EPC2: variants seen among roughly 807,000 people sequenced by gnomAD.
EPC2 encodes the protein enhancer of polycomb 2.
Under a neutral mutation model 92.1 loss-of-function variants are expected in EPC2, and 14 were observed. That is an observed-to-expected ratio of 0.15 (90% CI 0.10 to 0.24). The LOEUF is 0.24. Among genes scored for constraint, EPC2 ranks in the 10% least tolerant of loss-of-function variants. EPC2 has a pLI of 1.00. For missense variants in EPC2, 755 were observed against 971.5 expected (o/e 0.78, Z 2.96); for synonymous variants, 340 against 334.7 (o/e 1.02, Z -0.17).
chr2:148,779,509 GGA>G (rs1683708190), intron 10 of EPC2, among the ~76,000 whole-genome samples: 1 of 152,118 alleles, frequency 6.6e-6, no homozygotes, highest in Non-Finnish European at 1.5e-5. Context: ...CTTGAACCCA[GGA>G]GTTCAAGGCT....
In EPC2 at chr2:148,784,714, C is replaced by T. The variant is rs199545761; in HGVS notation, c.2064C>T (p.Ser688=). The change falls in exon 13 of 14, where the codon AGC becomes AGT. Residue 688 remains serine (S), a synonymous_variant. Coordinates refer to ENST00000258484, the MANE Select transcript of EPC2 (RefSeq NM_015630.4). The stretch of plus-strand genomic sequence containing the variant: ...CCACCAATATGGCTTTATCATCCAG[C>T]CCAGGGATTTCAGCTGTACAGCTTG... The part of the protein sequence containing the change: ...LYSTNMALSS[S]PGISAVQLVR... 6.8e-6 allele frequency: 11 copies of T among 1,613,418 alleles called. No individual in the cohort carries two copies. In the East Asian group the frequency reaches 2.2e-4, roughly 33 times the overall value.
chr2:148,775,683 TAATTA>T (rs1683622425), intron 10 of EPC2, among the ~76,000 whole-genome samples: 1 of 147,722 alleles, frequency 6.8e-6, no homozygotes, highest in African/African-American at 2.5e-5. Context: ...AAATTTAATT[TAATTA>T]AATAAAATTA....
intron 12 of EPC2, among the ~76,000 whole-genome samples, chr2:148,784,235 C>A (rs1053170411): frequency 6.6e-6 from 1 of 152,124 alleles, no homozygotes; most frequent in Non-Finnish European, 1.5e-5. Context: ...ACCCTGAGTC[C>A]GCAAAGACTT....
rs150977924 is a variant in EPC2, at chr2:148,717,434, C to T, written c.314-26188C>T. On this transcript the variant is annotated intron_variant, in intron 2 of 13. Coordinates refer to ENST00000258484, the MANE Select transcript of EPC2 (RefSeq NM_015630.4). ...TAGCTGCATCCCAGAGATTCTGGTA[C>T]ATTGTATCTTTGTTCTCATTAGTTT... 7.1e-3 allele frequency among the ~76,000 whole-genome samples: 1,086 copies of T among 152,162 alleles called. 5 individuals are homozygous for T. Among genetic ancestry groups the T allele is most frequent in the African/African-American group, 0.025 (1,021 of 41,522 alleles).
In EPC2 at chr2:148,783,644, C is replaced by T. The variant is rs368890875; in HGVS notation, c.1905C>T (p.Ser635=). ...TGTCTAAAACACTTGACTCAGCCAG[C>T]GCCCACTTTGCTGCATCTGCAGTGG... ...DCMSKTLDSA[S]AHFAASAVVS... is the part of the protein sequence containing the mutation. Residue 635 remains serine (S), a synonymous_variant, in exon 12 of 14, where the codon AGC becomes AGT. Transcript: ENST00000258484. 1.7e-5 allele frequency: 28 copies of T among 1,606,938 alleles called. No individual in the cohort carries two copies. The highest frequency in any genetic ancestry group is 1.6e-4 in the Middle Eastern group (1 of 6,078).
chr2:148,712,393 TA>T, intron 2 of EPC2, among the ~76,000 whole-genome samples: 1 of 149,304 alleles, frequency 6.7e-6, no homozygotes, highest in South Asian at 2.1e-4. Context: ...CTGTCCCTTG[TA>T]TCATTGCTGT....
intron 11 of EPC2, among the ~76,000 whole-genome samples, chr2:148,782,268 G>A (rs963950674): frequency 1.3e-5 from 2 of 152,132 alleles, no homozygotes; most frequent in Non-Finnish European, 1.5e-5. Context: ...CAGGCACGGT[G>A]GCTCATGCCT....
intron 1 of EPC2, among the ~76,000 whole-genome samples, chr2:148,648,285 A>G (rs927050281): frequency 6.6e-6 from 1 of 152,160 alleles, no homozygotes; most frequent in Non-Finnish European, 1.5e-5. Context: ...TTGTGTTTTC[A>G]TGAGTGACAG....
At chr2:148,725,273 T>C (rs1223824405) in intron 2 of EPC2, among the ~76,000 whole-genome samples, 1 of 152,096 alleles carries the variant, frequency 6.6e-6, no homozygotes, top group Non-Finnish European at 1.5e-5. Context: ...TCAAGAATAA[T>C]ATAATGAATT....
At chr2:148,669,969 AGTAGTACACTGCTAAGTACTC>A (rs1161230551) in intron 1 of EPC2, among the ~76,000 whole-genome samples, 2 of 152,228 alleles carry the variant, frequency 1.3e-5, no homozygotes, top group South Asian at 2.1e-4. Context: ...TGTGCTGATC[AGTAGTACACTGCTAAGTACTC>A]CAGGGAAGCC....
chr2:148,765,165 T>C lies in EPC2; in HGVS notation c.1140+19T>C, dbSNP rs770460166. On this transcript the variant is annotated intron_variant, in intron 7 of 13. Transcript: ENST00000258484. ...TCCACAGGTGCTTGTTTTAAAATAT[T>C]TTAAAGATATTTCTTCTTAGTATTT... 6.7e-7 allele frequency: 1 copy of C among 1,487,056 alleles called. No homozygotes were observed. Among genetic ancestry groups the C allele is most frequent in the South Asian group, 1.4e-5 (1 of 72,612 alleles). The allele number at this position is 1,487,056 out of a possible 1,614,324, so 92.1% of individuals were successfully genotyped here. A position where few individuals can be genotyped will look rare whatever the true frequency, so the allele number is the denominator to read the frequency against.
intron 3 of EPC2, among the ~76,000 whole-genome samples, chr2:148,752,319 G>A (rs749003198): frequency 6.6e-6 from 1 of 152,126 alleles, no homozygotes; most frequent in Non-Finnish European, 1.5e-5. Flanking sequence ...GAGAACTGCC[G>A]TGTTGCTGTC....
intron 2 of EPC2, among the ~76,000 whole-genome samples, chr2:148,707,043 C>T (rs2105381206): frequency 6.6e-6 from 1 of 152,254 alleles, no homozygotes; most frequent in South Asian, 2.1e-4. Context: ...AATTAAAAGA[C>T]ACAGACTGGA....
At chr2:148,659,334 G>T (rs1051620816) in intron 1 of EPC2, among the ~76,000 whole-genome samples, 1 of 151,956 alleles carries the variant, frequency 6.6e-6, no homozygotes, top group Non-Finnish European at 1.5e-5. Context: ...CATTAAGGAG[G>T]TTAAGAATCA....
intron 2 of EPC2, among the ~76,000 whole-genome samples, chr2:148,731,479 T>A (rs1314027884): frequency 6.6e-6 from 1 of 152,214 alleles, no homozygotes; most frequent in Non-Finnish European, 1.5e-5. Flanking sequence ...CTCCGCTCAC[T>A]ACAACCTCCG....
At chr2:148,777,516 G>A (rs1338580955) in intron 10 of EPC2, among the ~76,000 whole-genome samples, 2 of 138,464 alleles carry the variant, frequency 1.4e-5, no homozygotes, top group East Asian at 5.7e-4. Context: ...CTTTTTGTTT[G>A]TCAACAAAAA....
chr2:148,695,747 A>G (rs568474347), intron 2 of EPC2, among the ~76,000 whole-genome samples: 1 of 152,240 alleles, frequency 6.6e-6, no homozygotes, highest in Non-Finnish European at 1.5e-5. Flanking sequence ...GCATTCCAGG[A>G]ACATCATTTT....
chr2:148,735,073 A>G (rs1682724558), intron 2 of EPC2, among the ~76,000 whole-genome samples: 1 of 151,952 alleles, frequency 6.6e-6, no homozygotes, highest in African/African-American at 2.4e-5. Context: ...TTATTGATGG[A>G]CATGTTTTTG....
intron 2 of EPC2, among the ~76,000 whole-genome samples, chr2:148,698,829 CT>C (rs56852195): frequency 3.5e-5 from 5 of 141,024 alleles, no homozygotes; most frequent in African/African-American, 1.1e-4. Context: ...ATTTTCTTCC[CT>C]TTTTTTTTTT....
Sources: allele counts gnomAD v4.1 joint callset (sites outside exome capture counted in the v4.1 genomes callset), GRCh38; gene constraint gnomAD v4.1.1; transcripts MANE v1.5; gene names NCBI Gene and HGNC (gene_info 2026-07-23, HGNC 2026-07-21).